CDH12: variants seen among roughly 807,000 people sequenced by gnomAD.
The protein encoded by CDH12 is cadherin-12.
A neutral mutation model predicts 74.1 loss-of-function variants in CDH12; 41 were observed. The ratio of observed to expected loss-of-function variants is 0.55; its 90% CI spans 0.43 to 0.72. The LOEUF (loss-of-function observed/expected upper bound fraction) is 0.72. Ranked by LOEUF, CDH12 falls within the 30% of genes least tolerant of loss-of-function variation. The probability of loss-of-function intolerance (pLI) is 0.00; values close to 1 mark genes in which losing one functional copy is unlikely to be tolerated. For missense variants in CDH12, 945 were observed against 977.2 expected (o/e 0.97, Z 0.44); for synonymous variants, 399 against 355.0 (o/e 1.12, Z -1.39).
intron 3 of CDH12, among the ~76,000 whole-genome samples, chr5:22,254,515 A>C (rs1753248387): frequency 6.6e-6 from 1 of 151,740 alleles, no homozygotes; most frequent in South Asian, 2.1e-4. Context: ...TTCAAAGTGT[A>C]CTCTGAGATT....
intron 1 of CDH12, among the ~76,000 whole-genome samples, chr5:22,605,313 C>T (rs185010282): frequency 1.1e-4 from 16 of 152,292 alleles, no homozygotes; most frequent in African/African-American, 3.9e-4. Flanking sequence ...TCTCTATATA[C>T]ATTCTATTAG....
chr5:22,661,790 G>A (rs955775201), intron 1 of CDH12, among the ~76,000 whole-genome samples: 1 of 152,028 alleles, frequency 6.6e-6, no homozygotes, highest in Non-Finnish European at 1.5e-5. Flanking sequence ...AATTAGATTC[G>A]TAGACTCTTA....
intron 1 of CDH12, among the ~76,000 whole-genome samples, chr5:22,531,032 T>A (rs1220493246): frequency 6.6e-6 from 1 of 152,158 alleles, no homozygotes; most frequent in African/African-American, 2.4e-5. Flanking sequence ...CATATGTATA[T>A]CTCTGAAAGT....
intron 1 of CDH12, among the ~76,000 whole-genome samples, chr5:22,827,056 A>G (rs978506853): frequency 6.6e-6 from 1 of 152,170 alleles, no homozygotes; most frequent in Admixed American, 6.5e-5. Context: ...TTACAGGCCC[A>G]CAGGTTTAAG....
intron 2 of CDH12, among the ~76,000 whole-genome samples, chr5:22,488,718 A>C (rs1010301338): frequency 8.5e-5 from 13 of 152,074 alleles, no homozygotes; most frequent in Non-Finnish European, 1.8e-4. Context: ...AGCCACTGAA[A>C]TTCTTCAAGC....
chr5:22,414,487 A>C (rs569358084), intron 2 of CDH12, among the ~76,000 whole-genome samples: 73 of 152,002 alleles, frequency 4.8e-4, no homozygotes, highest in Non-Finnish European at 9.6e-4. Flanking sequence ...ATTGATAGAC[A>C]ATAATAGAAT....
At chr5:22,349,884 C>A (rs917332170) in intron 3 of CDH12, among the ~76,000 whole-genome samples, 2 of 152,196 alleles carry the variant, frequency 1.3e-5, no homozygotes, top group East Asian at 1.9e-4. Context: ...ACAGGCGCAG[C>A]TAATCTTTAA....
chr5:21,780,214 G>C (rs1224865363), intron 11 of CDH12, among the ~76,000 whole-genome samples: 2 of 152,134 alleles, frequency 1.3e-5, no homozygotes, highest in Admixed American at 6.5e-5. Flanking sequence ...GCCAGCAGCT[G>C]GTAGTGTGAC....
chr5:22,572,743 T>C (rs1171805728), intron 1 of CDH12, among the ~76,000 whole-genome samples: 2 of 152,208 alleles, frequency 1.3e-5, no homozygotes, highest in African/African-American at 4.8e-5. Flanking sequence ...CTAAATGAAT[T>C]CTTTACCTCA....
chr5:22,196,864 T>C (rs533746919), intron 4 of CDH12, among the ~76,000 whole-genome samples: 88 of 152,230 alleles, frequency 5.8e-4, no homozygotes, highest in African/African-American at 2.1e-3. Context: ...ATCTTGCTTC[T>C]TTTCCCCAAG....
chr5:21,967,875 C>T (rs1013191718), intron 6 of CDH12, among the ~76,000 whole-genome samples: 1 of 152,152 alleles, frequency 6.6e-6, no homozygotes, highest in African/African-American at 2.4e-5. Flanking sequence ...GGAGAGATCA[C>T]AAGGCCTTGC....
chr5:22,121,428 G>A (rs1357415694), intron 4 of CDH12, among the ~76,000 whole-genome samples: 1 of 152,166 alleles, frequency 6.6e-6, no homozygotes, highest in Non-Finnish European at 1.5e-5. Context: ...GGCATTTGGA[G>A]GGCAAGAAGA....
chr5:21,776,163 C>G (rs1175053112), intron 11 of CDH12, among the ~76,000 whole-genome samples: 2 of 152,184 alleles, frequency 1.3e-5, no homozygotes, highest in Non-Finnish European at 2.9e-5. Flanking sequence ...TATGGAGATG[C>G]TCCTGTGGCT....
chr5:21,878,316 A>T, intron 6 of CDH12, among the ~76,000 whole-genome samples: 1 of 152,236 alleles, frequency 6.6e-6, no homozygotes, highest in Non-Finnish European at 1.5e-5. Context: ...TACTCAAAGC[A>T]GAAGTTCACT....
chr5:21,913,414 G>C (rs1490742601), intron 6 of CDH12, among the ~76,000 whole-genome samples: 2 of 152,004 alleles, frequency 1.3e-5, no homozygotes, highest in Non-Finnish European at 2.9e-5. Flanking sequence ...TTGGAGAAAT[G>C]ATATACGTGT....
chr5:22,469,321 G>C (rs1745862429), intron 2 of CDH12, among the ~76,000 whole-genome samples: 1 of 152,184 alleles, frequency 6.6e-6, no homozygotes, highest in Non-Finnish European at 1.5e-5. Context: ...CTGGAGGCTA[G>C]AAGTCCAAAA....
intron 2 of CDH12, among the ~76,000 whole-genome samples, chr5:22,417,929 T>C (rs1282913954): frequency 1.3e-5 from 2 of 152,200 alleles, no homozygotes; most frequent in Non-Finnish European, 2.9e-5. Flanking sequence ...ATACCATACA[T>C]GGGTTACCTG....
chr5:22,387,289 TA>T (rs960280391), intron 3 of CDH12, among the ~76,000 whole-genome samples: 5 of 152,024 alleles, frequency 3.3e-5, no homozygotes, highest in Admixed American at 6.6e-5. Flanking sequence ...TTTTTAAATT[TA>T]AAAAAATGTA....
intron 1 of CDH12, among the ~76,000 whole-genome samples, chr5:22,616,482 C>A: frequency 6.6e-6 from 1 of 152,104 alleles, no homozygotes; most frequent in Non-Finnish European, 1.5e-5. Context: ...GTATATCCAG[C>A]AAACATTTGG....
Sources: gnomAD v4.1 joint callset for allele counts (sites outside exome capture counted in the v4.1 genomes callset) on GRCh38, gnomAD v4.1.1 for gene constraint, MANE v1.5 for transcripts, NCBI Gene and HGNC (gene_info 2026-07-23, HGNC 2026-07-21) for gene names.